Variants in NEDD9 observed in about 807,000 individuals in gnomAD.
NEDD9 encodes the protein enhancer of filamentation 1.
NEDD9 carries 26 observed loss-of-function variants against 76.6 expected under a neutral mutation model. The ratio of observed to expected loss-of-function variants is 0.34; its 90% CI spans 0.25 to 0.47. NEDD9 has a LOEUF of 0.47. NEDD9 is among the 20% of genes least tolerant of loss of function. The pLI, the probability that NEDD9 is intolerant of heterozygous loss-of-function variation, is 1.00. For synonymous variants in NEDD9, 392 were observed against 414.2 expected, an observed-to-expected ratio of 0.95 and a Z score of 0.65; for missense variants, 937 against 1,058.5, an observed-to-expected ratio of 0.89 and a Z score of 1.59.
chr6:11,278,172 C>A (rs1760454504), intron 3 of NEDD9, among the ~76,000 whole-genome samples: 1 of 152,190 alleles, frequency 6.6e-6, no homozygotes, highest in Admixed American at 6.5e-5. Context: ...TTCTCACTCG[C>A]CAGCCTCTGG....
At chr6:11,314,427 A>G (rs1192246324) in intron 2 of NEDD9, among the ~76,000 whole-genome samples, 4 of 152,198 alleles carry the variant, frequency 2.6e-5, no homozygotes, top group Non-Finnish European at 5.9e-5. Flanking sequence ...AGCTAGAAAT[A>G]TGGATGAAGG....
chr6:11,224,804 T>C (rs1759257316), intron 1 of NEDD9, among the ~76,000 whole-genome samples: 1 of 151,878 alleles, frequency 6.6e-6, no homozygotes. Context: ...TCTTAAAGAG[T>C]CCTCTAGATG....
At chr6:11,309,683 A>C (rs1761307314) in intron 2 of NEDD9, among the ~76,000 whole-genome samples, 1 of 152,112 alleles carries the variant, frequency 6.6e-6, no homozygotes, top group South Asian at 2.1e-4. Flanking sequence ...ACCATTTTGT[A>C]CTAGGAATAA....
In NEDD9 at chr6:11,190,545, C is replaced by G. The variant is rs148889971; in HGVS notation, c.1324G>C (p.Glu442Gln). ...TTDWRCYGYM[E>Q]RHINEIRTAV... ...GTGCGTATTTCATTGATGTGTCTTT[C>G]CATATATCCGTAACACCGCCAGTCG... The change falls in exon 5 of 7, where the codon GAA becomes CAA. Residue 442 changes from glutamate to glutamine, a missense_variant. Coordinates refer to ENST00000379446, the MANE Select transcript of NEDD9 (RefSeq NM_006403.4). The surrounding 1 kb of genome is among the most constrained non-coding windows in gnomAD (Gnocchi z 5.8). 1.9e-6 allele frequency: 3 copies of G among 1,614,176 alleles called. No individual in the cohort carries two copies. Among genetic ancestry groups the G allele is most frequent in the Non-Finnish European group, 2.5e-6 (3 of 1,180,034 alleles).
intron 1 of NEDD9, among the ~76,000 whole-genome samples, chr6:11,220,556 G>C (rs2113770818): frequency 6.6e-6 from 1 of 152,280 alleles, no homozygotes. Context: ...GTAGATCCAG[G>C]GCTTGGAATC....
At chr6:11,276,919 T>C (rs187437505) in intron 3 of NEDD9, among the ~76,000 whole-genome samples, 116 of 152,238 alleles carry the variant, frequency 7.6e-4, no homozygotes, top group African/African-American at 2.7e-3. Flanking sequence ...GGCAAAGGAA[T>C]AGCTCTTTGG....
intron 6 of NEDD9, among the ~76,000 whole-genome samples, chr6:11,187,137 G>T (rs1334200642): frequency 1.3e-5 from 2 of 152,072 alleles, no homozygotes; most frequent in Non-Finnish European, 2.9e-5. Flanking sequence ...TAGATGGGGG[G>T]GGTACTTTCC....
intron 1 of NEDD9, among the ~76,000 whole-genome samples, chr6:11,360,154 A>G (rs1762652919): frequency 6.6e-6 from 1 of 152,238 alleles, no homozygotes; most frequent in Non-Finnish European, 1.5e-5. Flanking sequence ...AACGAGGCTC[A>G]GTCTTGGGTG....
chr6:11,348,662 A>T (rs1762407959), intron 1 of NEDD9, among the ~76,000 whole-genome samples: 1 of 152,210 alleles, frequency 6.6e-6, no homozygotes. Flanking sequence ...GTTGACAAAA[A>T]CAAGCAACAG....
chr6:11,373,074 G>A (rs1297499306), intron 1 of NEDD9, among the ~76,000 whole-genome samples: 1 of 151,838 alleles, frequency 6.6e-6, no homozygotes, highest in Non-Finnish European at 1.5e-5. Context: ...TCATCAAGCA[G>A]TTCTGTCTTC....
Position 11,213,872 on chromosome 6 carries a change from G to T in NEDD9, c.13-145C>A. On this transcript the variant is annotated intron_variant, in intron 1 of 6. Coordinates refer to ENST00000379446, the MANE Select transcript of NEDD9 (RefSeq NM_006403.4). This position sits in a 1 kb window ranked among gnomAD's most constrained non-coding sequence, Gnocchi z 5.4. ...ACAATAGACTGTAAGGAGAAAAACAGATGGTGCAGACAAAAGACAGATACA... is the reference window on the plus strand; with the variant it reads ...ACAATAGACTGTAAGGAGAAAAACATATGGTGCAGACAAAAGACAGATACA... 1 of 720,352 alleles carries T rather than the reference G, an allele frequency of 1.4e-6. No individual in the cohort carries two copies. Among genetic ancestry groups the T allele is most frequent in the Non-Finnish European group, 2.3e-6 (1 of 443,288 alleles). The allele number at this position is 720,352 out of a possible 1,614,324, so 44.6% of individuals were successfully genotyped here. A position where few individuals can be genotyped will look rare whatever the true frequency, so the allele number is the denominator to read the frequency against.
intron 1 of NEDD9, among the ~76,000 whole-genome samples, chr6:11,380,418 T>C (rs751740248): frequency 1.3e-5 from 2 of 152,230 alleles, no homozygotes; most frequent in Non-Finnish European, 2.9e-5. Context: ...ATTATTCCAC[T>C]CAAGACTGAG....
chr6:11,302,755 T>C (rs938287504), intron 3 of NEDD9, among the ~76,000 whole-genome samples: 1 of 152,028 alleles, frequency 6.6e-6, no homozygotes, highest in Non-Finnish European at 1.5e-5. Context: ...ACAGAACCAA[T>C]GACAAAAACC....
chr6:11,249,906 G>A (rs1561806105), intron 3 of NEDD9, among the ~76,000 whole-genome samples: 1 of 152,176 alleles, frequency 6.6e-6, no homozygotes. Flanking sequence ...TGGTACACAC[G>A]TGGTGAGTGT....
chr6:11,358,286 C>T (rs1762618328), intron 1 of NEDD9, among the ~76,000 whole-genome samples: 1 of 141,774 alleles, frequency 7.1e-6, no homozygotes, highest in South Asian at 2.3e-4. Context: ...AATGGCTCTG[C>T]TGTTACATAA....
At chr6:11,264,146 T>C (rs553094169) in intron 3 of NEDD9, among the ~76,000 whole-genome samples, 2 of 152,298 alleles carry the variant, frequency 1.3e-5, no homozygotes, top group South Asian at 2.1e-4. Flanking sequence ...GCCATTCTTG[T>C]AGATGGAGAA....
At chr6:11,214,156 A>G (rs764481415) in intron 1 of NEDD9, 9 of 516,092 alleles carry the variant, frequency 1.7e-5, no homozygotes, top group African/African-American at 1.5e-4. Flanking sequence ...AGGTGAAAAG[A>G]GTAAAAGAAA....
chr6:11,232,477 G>C, intron 1 of NEDD9, 27 bp downstream of exon 1: 1 of 1,614,112 alleles, frequency 6.2e-7, no homozygotes, highest in South Asian at 1.1e-5. Flanking sequence ...CAGCTTGCAA[G>C]GTAACCTGTA....
At chr6:11,347,755 A>G (rs1221056237) in intron 1 of NEDD9, among the ~76,000 whole-genome samples, 1 of 152,230 alleles carries the variant, frequency 6.6e-6, no homozygotes, top group Non-Finnish European at 1.5e-5. Flanking sequence ...CTTCATGTTA[A>G]AAACTCTCAA....
Sources: allele counts gnomAD v4.1 joint callset (sites outside exome capture counted in the v4.1 genomes callset), GRCh38; gene constraint gnomAD v4.1.1; non-coding constraint Gnocchi (gnomAD v3.1); transcripts MANE v1.5; gene names NCBI Gene and HGNC (gene_info 2026-07-23, HGNC 2026-07-21).